SNED1: variants seen among roughly 807,000 people sequenced by gnomAD.
The protein encoded by SNED1 is sushi, nidogen and EGF like domains 1.
SNED1 carries 81 observed loss-of-function variants against 166.7 expected under a neutral mutation model. The observed-to-expected ratio is 0.49, with a 90% CI of 0.41 to 0.58. The LOEUF (loss-of-function observed/expected upper bound fraction) is 0.58. Among genes scored for constraint, SNED1 ranks in the 20% least tolerant of loss-of-function variants. The pLI, the probability that SNED1 is intolerant of heterozygous loss-of-function variation, is 0.00. For synonymous variants in SNED1, 762 were observed against 822.0 expected, an observed-to-expected ratio of 0.93 and a Z score of 1.25; for missense variants, 1,604 against 2,000.2, an observed-to-expected ratio of 0.80 and a Z score of 3.78.
intron 1 of SNED1, among the ~76,000 whole-genome samples, chr2:241,002,762 G>A (rs2060114322): frequency 6.6e-6 from 1 of 152,018 alleles, no homozygotes; most frequent in African/African-American, 2.4e-5. Flanking sequence ...GCGTCCAGCT[G>A]CCTCTTACTG....
intron 2 of SNED1, among the ~76,000 whole-genome samples, chr2:241,031,562 C>T (rs1163917607): frequency 6.6e-6 from 1 of 152,248 alleles, no homozygotes; most frequent in Non-Finnish European, 1.5e-5. Flanking sequence ...TGCTCAGAAG[C>T]ATAACCCAGC....
At chr2:241,071,083 G>A (rs985452031) in intron 24 of SNED1, among the ~76,000 whole-genome samples, 7 of 152,202 alleles carry the variant, frequency 4.6e-5, no homozygotes, top group Non-Finnish European at 8.8e-5. Context: ...GAGGGAGAGG[G>A]AAGGGGAAGG....
At chr2:241,016,294 C>T (rs1012426227) in intron 1 of SNED1, among the ~76,000 whole-genome samples, 16 of 147,360 alleles carry the variant, frequency 1.1e-4, no homozygotes, top group African/African-American at 3.5e-4. Flanking sequence ...ACCCGGGGTT[C>T]ACGCTATTCT....
At chr2:241,006,163 C>T (rs759679013) in intron 1 of SNED1, among the ~76,000 whole-genome samples, 7 of 152,020 alleles carry the variant, frequency 4.6e-5, no homozygotes, top group Middle Eastern at 3.4e-3. Flanking sequence ...TTTTTCTACA[C>T]GGTCTAACCT....
At position 240,998,957 on chromosome 2, in the gene SNED1, C is replaced by T. The variant is rs1396151666; in HGVS notation, c.120C>T (p.Asp40=). 101 of 1,304,778 alleles carry T rather than the reference C, an allele frequency of 7.7e-5. No individual in the cohort carries two copies. The highest frequency in any genetic ancestry group is 9.8e-5 in the Non-Finnish European group (100 of 1,025,018). 80.8% of individuals were successfully genotyped at this position (1,304,778 alleles called of 1,614,324 possible). The change falls in exon 1 of 32, where the codon GAC becomes GAT. Residue 40 remains aspartate (D), a synonymous_variant. Coordinates refer to ENST00000310397, the MANE Select transcript of SNED1 (RefSeq NM_001080437.3). The stretch of plus-strand genomic sequence containing the variant: ...ACCCGTTCGGCGCCGAGCGCGGCGA[C>T]GCCGTCACCCCCAAGCAGGACGACG... The part of the protein sequence containing the change: ...DFYPFGAERG[D]AVTPKQDDGG...
intron 29 of SNED1, chr2:241,086,968 C>A (rs1217945596): frequency 6.3e-6 from 1 of 158,010 alleles, no homozygotes; most frequent in Non-Finnish European, 1.4e-5. Context: ...TTCTACAATG[C>A]CTACATCCGA....
chr2:241,082,487 CTTGCTTTG>C (rs2063377259), intron 29 of SNED1, 123 bp downstream of exon 29: 1 of 678,530 alleles, frequency 1.5e-6, no homozygotes, highest in East Asian at 2.6e-5. Context: ...ACAGAAGGGA[CTTGCTTTG>C]ACCATCGATT....
At chr2:241,002,204 C>T (rs1368128835) in intron 1 of SNED1, among the ~76,000 whole-genome samples, 3 of 152,172 alleles carry the variant, frequency 2.0e-5, no homozygotes, top group Non-Finnish European at 2.9e-5. Flanking sequence ...ATCACTGTCA[C>T]GGTTGTGTGG....
chr2:241,055,733 C>G lies in SNED1; in HGVS notation c.2257+2407C>G, dbSNP rs144312664. Among the ~76,000 whole-genome samples, 13 of 152,306 alleles carry G rather than the reference C, an allele frequency of 8.5e-5. No homozygotes were observed. In the East Asian group the frequency reaches 2.5e-3, roughly 29 times the overall value. ...GTTCTCAGCACCTACCAGGTCTCAC[C>G]CACAGGATCATTACAAATGCATGAG... On this transcript the variant is annotated intron_variant, in intron 16 of 31. Transcript: ENST00000310397.
chr2:241,049,386 C>G (rs2061760463), intron 11 of SNED1, among the ~76,000 whole-genome samples: 1 of 152,222 alleles, frequency 6.6e-6, no homozygotes, highest in Non-Finnish European at 1.5e-5. Context: ...GGTATCTTAC[C>G]TAAGCCCCAA....
Position 241,073,530 on chromosome 2 carries a change from G to A in SNED1, c.3916+166G>A, listed in dbSNP as rs1342930805. The A allele has an allele frequency of 1.5e-6, 1 of 667,546 alleles. No homozygotes were observed. Among genetic ancestry groups the A allele is most frequent in the Non-Finnish European group, 2.7e-6 (1 of 364,892 alleles). The allele number at this position is 667,546 out of a possible 1,614,324, so 41.4% of individuals were successfully genotyped here. A position where few individuals can be genotyped will look rare whatever the true frequency, so the allele number is the denominator to read the frequency against. ...CCCCGGTGTGGGAAGATGGGGTGAA[G>A]CTACACCACCCAAGCAGTGGGACCC... On this transcript the variant is annotated intron_variant, in intron 27 of 31. Transcript: ENST00000310397. This position sits in a 1 kb window ranked among gnomAD's most constrained non-coding sequence, Gnocchi z 6.6.
intron 4 of SNED1, among the ~76,000 whole-genome samples, chr2:241,035,968 C>T (rs2061345128): frequency 1.4e-5 from 1 of 72,052 alleles, no homozygotes; most frequent in Non-Finnish European, 2.6e-5. Context: ...GGAGGTGGGG[C>T]GTAGTAGGGG....
At chr2:241,028,474 T>C (rs1406586839) in intron 1 of SNED1, among the ~76,000 whole-genome samples, 1 of 152,232 alleles carries the variant, frequency 6.6e-6, no homozygotes, top group East Asian at 1.9e-4. Context: ...TATATGGTGT[T>C]AGGTAAGGGC....
rs138076971 is a variant in SNED1, at chr2:241,044,314, C to CT, written c.1273+3902dup. Among the ~76,000 whole-genome samples, 1,308 of 152,280 alleles carry CT rather than the reference C, an allele frequency of 8.6e-3. 5 individuals carry two copies. The highest frequency in any genetic ancestry group is 0.02 in the African/African-American group (831 of 41,550). ...CTATATGCTGTCACAAGAACCCACT[C>CT]TAAGTATAAAGACACAGGTAATTGT... On this transcript the variant is annotated intron_variant, in intron 8 of 31. Transcript: ENST00000310397.
In SNED1 at chr2:241,034,558, C is replaced by T; in HGVS notation, c.643-10C>T. 1.3e-6 allele frequency: 2 copies of T among 1,579,014 alleles called. No individual in the cohort carries two copies. Among genetic ancestry groups the T allele is most frequent in the Non-Finnish European group, 1.7e-6 (2 of 1,158,510 alleles). ...TGGCCTCCCTCACTCTGCCCCCACC[C>T]CACCCCCAGGCTGGCTTCAACGCAG... On this transcript the variant is annotated splice_polypyrimidine_tract_variant and intron_variant, in intron 3 of 31. Transcript: ENST00000310397.
chr2:241,088,996 A>G, intron 31 of SNED1: 1 of 289,970 alleles, frequency 3.4e-6, no homozygotes, highest in Non-Finnish European at 6.4e-6. Context: ...CTGACGTGAA[A>G]GGAACTTCCT....
chr2:241,077,679 G>C (rs2063094495), intron 27 of SNED1, among the ~76,000 whole-genome samples: 1 of 152,166 alleles, frequency 6.6e-6, no homozygotes, highest in South Asian at 2.1e-4. Flanking sequence ...AATTCAGACA[G>C]GGGCAAAGGA....
Position 241,048,659 on chromosome 2 carries a change from C to G in SNED1, c.1400-3C>G. On this transcript the variant is annotated splice_region_variant and splice_polypyrimidine_tract_variant and intron_variant, in intron 9 of 31. Coordinates refer to ENST00000310397, the MANE Select transcript of SNED1 (RefSeq NM_001080437.3). ...GGGAGGCTCCTCCCTCTCTTCGTGG[C>G]AGGAGTCCCCGATGACTGTGAGTGC... The G allele has an allele frequency of 6.2e-7, 1 of 1,606,254 alleles. No individual in the cohort carries two copies. The highest frequency in any genetic ancestry group is 8.5e-7 in the Non-Finnish European group (1 of 1,176,544).
intron 2 of SNED1, among the ~76,000 whole-genome samples, chr2:241,032,493 GGGGT>G (rs2061212973): frequency 1.3e-5 from 2 of 148,502 alleles, no homozygotes; most frequent in Non-Finnish European, 3.0e-5. Flanking sequence ...GTGGGGTGGG[GGGGT>G]CGGGGGAGGG....
Sources: gnomAD v4.1 joint callset for allele counts (sites outside exome capture counted in the v4.1 genomes callset) on GRCh38, gnomAD v4.1.1 for gene constraint, Gnocchi (gnomAD v3.1) non-coding constraint, MANE v1.5 for transcripts, NCBI Gene and HGNC (gene_info 2026-07-23, HGNC 2026-07-21) for gene names.